The following ATG10 variants were observed in gnomAD, a reference collection of about 807,000 sequenced individuals.
ATG10 encodes ubiquitin-like-conjugating enzyme ATG10.
Under a neutral mutation model 32.1 loss-of-function variants are expected in ATG10, and 30 were observed. That is an observed-to-expected ratio of 0.94 (90% confidence interval 0.70 to 1.27). The LOEUF is 1.27. Ranked by LOEUF, ATG10 falls within the 50% of genes most tolerant of loss-of-function variation. ATG10 has a pLI of 0.00. For synonymous variants in ATG10, 87 were observed against 91.5 expected, an observed-to-expected ratio of 0.95 and a Z score of 0.28; for missense variants, 233 against 262.3, an observed-to-expected ratio of 0.89 and a Z score of 0.77.
At chr5:82,060,742 A>G (rs1436883471) in intron 3 of ATG10, among the ~76,000 whole-genome samples, 3 of 151,946 alleles carry the variant, frequency 2.0e-5, no homozygotes, top group Middle Eastern at 3.2e-3. Context: ...GCTTGCGCCT[A>G]TGGTCCTAGC....
At chr5:82,182,990 C>T (rs1050613257) in intron 5 of ATG10, among the ~76,000 whole-genome samples, 3 of 152,060 alleles carry the variant, frequency 2.0e-5, no homozygotes, top group African/African-American at 7.2e-5. Flanking sequence ...AGTGATCCTC[C>T]TGCCTTGGCC....
chr5:82,041,300 G>A (rs1441480652), intron 2 of ATG10, among the ~76,000 whole-genome samples: 1 of 152,206 alleles, frequency 6.6e-6, no homozygotes, highest in African/African-American at 2.4e-5. Context: ...TGCCAGGGCA[G>A]AGATTTTATG....
intron 5 of ATG10, among the ~76,000 whole-genome samples, chr5:82,243,360 G>A (rs1340430038): frequency 6.6e-6 from 1 of 152,054 alleles, no homozygotes; most frequent in Non-Finnish European, 1.5e-5. Context: ...AAGCCTGTAT[G>A]TGAACTAAAC....
chr5:82,139,906 C>G (rs1353894139), intron 3 of ATG10, among the ~76,000 whole-genome samples: 1 of 136,070 alleles, frequency 7.3e-6, no homozygotes, highest in Non-Finnish European at 1.6e-5. Context: ...GTCAGCCCCC[C>G]GCCTGGCCAG....
chr5:81,974,701 G>A (rs779004230), intron 1 of ATG10, among the ~76,000 whole-genome samples: 9 of 152,106 alleles, frequency 5.9e-5, no homozygotes, highest in Non-Finnish European at 1.0e-4. Context: ...CTACACAGCC[G>A]TGACTCCTGG....
intron 2 of ATG10, chr5:81,991,982 A>G (rs1333648825): frequency 6.6e-6 from 1 of 151,920 alleles, no homozygotes; most frequent in African/African-American, 2.4e-5. Context: ...GTGCATCACC[A>G]TGCCTGGCTA....
At position 82,118,445 on chromosome 5, in the gene ATG10, T is replaced by C. The variant is rs1285819854; in HGVS notation, c.217-45954T>C. 3.9e-5 allele frequency among the ~76,000 whole-genome samples: 5 copies of C among 128,760 alleles called. No homozygotes were observed. In the Admixed American group the frequency reaches 4.0e-4, roughly 10 times the overall value. 84.5% of individuals were successfully genotyped at this position (128,760 alleles called of 152,430 possible). A position where few individuals can be genotyped will look rare whatever the true frequency, so the allele number is the denominator to read the frequency against. The stretch of plus-strand genomic sequence containing the variant: ...CCTAGCACCTGACCCAGTGTCTGGC[T>C]ATATTAATGTTCTCAACTAATAGTT... On this transcript the variant is annotated intron_variant, in intron 3 of 7. Coordinates refer to ENST00000282185, the MANE Select transcript of ATG10 (RefSeq NM_031482.5).
At chr5:82,237,625 A>AT (rs940296030) in intron 5 of ATG10, among the ~76,000 whole-genome samples, 1 of 151,672 alleles carries the variant, frequency 6.6e-6, no homozygotes, top group Non-Finnish European at 1.5e-5. Flanking sequence ...CCTGGATGAC[A>AT]GAGCGAGATT....
chr5:82,166,768 AAG>A (rs1743600725), intron 4 of ATG10, among the ~76,000 whole-genome samples: 1 of 152,122 alleles, frequency 6.6e-6, no homozygotes, highest in Admixed American at 6.5e-5. Flanking sequence ...GTCTCATTCT[AAG>A]AGAGTTCCGA....
chr5:82,056,918 C>T (rs527699684), intron 2 of ATG10, among the ~76,000 whole-genome samples: 14 of 152,046 alleles, frequency 9.2e-5, no homozygotes, highest in African/African-American at 2.9e-4. Flanking sequence ...TTTCTAAATA[C>T]GAAGGTTTCA....
chr5:82,084,052 C>T (rs1028221323), intron 3 of ATG10, among the ~76,000 whole-genome samples: 8 of 152,116 alleles, frequency 5.3e-5, no homozygotes, highest in East Asian at 1.9e-4. Context: ...AGAGGATGTT[C>T]GAACCCATCA....
At chr5:82,248,078 A>G (rs1747103992) in intron 5 of ATG10, among the ~76,000 whole-genome samples, 1 of 152,156 alleles carries the variant, frequency 6.6e-6, no homozygotes, top group African/African-American at 2.4e-5. Flanking sequence ...AAACTCAAGT[A>G]GTATTCATAT....
intron 2 of ATG10, among the ~76,000 whole-genome samples, chr5:82,040,463 A>G (rs762790711): frequency 3.9e-5 from 6 of 152,240 alleles, no homozygotes; most frequent in Non-Finnish European, 7.3e-5. Flanking sequence ...TCTTGGCACT[A>G]TAAATCATAA....
intron 5 of ATG10, among the ~76,000 whole-genome samples, chr5:82,200,310 TTAACTA>T (rs148425766): frequency 0.049 from 7,493 of 152,152 alleles, 438 homozygotes; most frequent in African/African-American, 0.15. Context: ...TTTATTTACT[TTAACTA>T]TAACAATATA....
At chr5:82,118,207 T>A (rs1765886290) in intron 3 of ATG10, among the ~76,000 whole-genome samples, 1 of 150,696 alleles carries the variant, frequency 6.6e-6, no homozygotes, top group Admixed American at 6.6e-5. Flanking sequence ...TAATTACATG[T>A]GTAATTAATA....
intron 5 of ATG10, among the ~76,000 whole-genome samples, chr5:82,218,744 A>G (rs1419029502): frequency 6.6e-6 from 1 of 152,214 alleles, no homozygotes; most frequent in Non-Finnish European, 1.5e-5. Flanking sequence ...TAATGGTGTG[A>G]TTAAAAAAGA....
chr5:82,101,840 G>T (rs1765283006), intron 3 of ATG10, among the ~76,000 whole-genome samples: 1 of 152,134 alleles, frequency 6.6e-6, no homozygotes, highest in African/African-American at 2.4e-5. Context: ...CTGAGTTTTA[G>T]TTTGATTAAC....
chr5:82,012,471 T>A (rs1016622593), intron 2 of ATG10, among the ~76,000 whole-genome samples: 16 of 152,216 alleles, frequency 1.1e-4, no homozygotes, highest in Non-Finnish European at 5.9e-5. Flanking sequence ...CTACATATTT[T>A]TTTAGATTGA....
At chr5:82,192,561 A>T (rs1441997256) in intron 5 of ATG10, among the ~76,000 whole-genome samples, 1 of 152,150 alleles carries the variant, frequency 6.6e-6, no homozygotes, top group Non-Finnish European at 1.5e-5. Context: ...TAGGCGTTTC[A>T]CCTTCCTCAT....
Sources: allele counts gnomAD v4.1 joint callset (sites outside exome capture counted in the v4.1 genomes callset), GRCh38; gene constraint gnomAD v4.1.1; transcripts MANE v1.5; gene names NCBI Gene and HGNC (gene_info 2026-07-23, HGNC 2026-07-21).